RTTN: variants seen among roughly 807,000 people sequenced by gnomAD.
The protein encoded by RTTN is rotatin.
In RTTN, 182 loss-of-function variants were observed where a neutral mutation model predicts 269.2. The observed-to-expected ratio is 0.68, with a 90% CI of 0.60 to 0.76. The LOEUF is 0.76. Among genes scored for constraint, RTTN ranks in the 30% least tolerant of loss-of-function variants. The probability of loss-of-function intolerance (pLI) is 0.00; values close to 1 mark genes in which losing one functional copy is unlikely to be tolerated. For synonymous variants in RTTN, 1,006 were observed against 963.5 expected (o/e 1.04, Z -0.82); for missense variants, 2,545 against 2,608.6 (o/e 0.98, Z 0.53).
At chr18:70,087,204 T>C (rs1444435738) in intron 31 of RTTN, among the ~76,000 whole-genome samples, 2 of 152,190 alleles carry the variant, frequency 1.3e-5, no homozygotes, top group East Asian at 1.9e-4. Context: ...AATTAAATAA[T>C]CATACAAATA....
intron 27 of RTTN, among the ~76,000 whole-genome samples, chr18:70,110,043 C>G (rs191796260): frequency 8.4e-4 from 127 of 151,848 alleles, no homozygotes; most frequent in Non-Finnish European, 1.5e-3. Context: ...GACCTCATTT[C>G]TAAAAAAATG....
intron 39 of RTTN, among the ~76,000 whole-genome samples, chr18:70,048,533 T>C (rs1255079508): frequency 6.6e-6 from 1 of 152,240 alleles, no homozygotes; most frequent in Admixed American, 6.5e-5. Context: ...GAGAACTGAT[T>C]TTGTTTAATC....
chr18:70,163,589 T>C (rs1043587792), intron 14 of RTTN, among the ~76,000 whole-genome samples: 2 of 152,128 alleles, frequency 1.3e-5, no homozygotes, highest in South Asian at 2.1e-4. Context: ...ACAACCCAAA[T>C]GCCTATCAAC....
At chr18:70,056,333 A>G (rs1181108113) in intron 37 of RTTN, among the ~76,000 whole-genome samples, 13 of 152,202 alleles carry the variant, frequency 8.5e-5, no homozygotes, top group Non-Finnish European at 1.9e-4. Context: ...ATAGGTTGGA[A>G]TCTATGTCAG....
chr18:70,013,011 T>C (rs1266260351), intron 46 of RTTN, among the ~76,000 whole-genome samples: 3 of 152,016 alleles, frequency 2.0e-5, no homozygotes, highest in South Asian at 2.1e-4. Context: ...ATCAGGACAA[T>C]GTGAAAGGCA....
rs539668819 is a variant in RTTN at position 70,098,031 on chromosome 18, G to A, written c.3904-5227C>T. ...ACTCTGTAAAAGGTTGATAAATAGA[G>A]TATTTATAAATCACATGACAAAAAA... On this transcript the variant is annotated intron_variant, in intron 28 of 48. Transcript: ENST00000640769. Among the ~76,000 whole-genome samples, 36 of 146,394 alleles carry A rather than the reference G, an allele frequency of 2.5e-4. 1 individual carries two copies. Among genetic ancestry groups the A allele is most frequent in the Admixed American group, 1.9e-3 (26 of 13,792 alleles).
chr18:70,039,740 T>C (rs1962302589), intron 40 of RTTN, among the ~76,000 whole-genome samples: 1 of 152,026 alleles, frequency 6.6e-6, no homozygotes, highest in Admixed American at 6.5e-5. Flanking sequence ...CAATCGAAAA[T>C]AATAACTACA....
chr18:70,100,546 T>C (rs1197761521), intron 28 of RTTN, among the ~76,000 whole-genome samples: 2 of 152,242 alleles, frequency 1.3e-5, no homozygotes, highest in Admixed American at 1.3e-4. Context: ...TGACTTCCTC[T>C]TTTCCTAACT....
intron 40 of RTTN, among the ~76,000 whole-genome samples, chr18:70,036,992 C>T (rs1026271767): frequency 2.0e-5 from 3 of 152,178 alleles, no homozygotes; most frequent in Admixed American, 6.5e-5. Flanking sequence ...GAGAGAGCAG[C>T]GACTGGGGGA....
intron 34 of RTTN, among the ~76,000 whole-genome samples, chr18:70,066,369 C>G (rs1244537206): frequency 6.6e-6 from 1 of 152,158 alleles, no homozygotes; most frequent in Non-Finnish European, 1.5e-5. Flanking sequence ...AGATTTTTCT[C>G]TACCTCACCT....
chr18:70,072,027 T>C (rs1235439012), intron 34 of RTTN, among the ~76,000 whole-genome samples: 1 of 152,190 alleles, frequency 6.6e-6, no homozygotes, highest in Admixed American at 6.5e-5. Flanking sequence ...AAGTATGCCT[T>C]GGTCGAAGTA....
In RTTN at chr18:70,166,108, G is replaced by C. The variant is rs548761347; in HGVS notation, c.1883C>G (p.Pro628Arg). The C allele has an allele frequency of 1.2e-6, 2 of 1,613,578 alleles. No individual in the cohort carries two copies. Among genetic ancestry groups the C allele is most frequent in the Non-Finnish European group, 1.7e-6 (2 of 1,179,666 alleles). ...VLLHMLSHPL[P>R]RVKAETYHCC... is the part of the protein sequence containing the mutation. ...GTGGTAAGTTTCAGCTTTCACTCGT[G>C]GCAATGGGTGAGACAACATATGGAG... Residue 628 changes from proline to arginine, a missense_variant, in exon 14 of 49, where the codon CCA becomes CGA. Coordinates refer to ENST00000640769, the MANE Select transcript of RTTN (RefSeq NM_173630.4).
intron 17 of RTTN, among the ~76,000 whole-genome samples, 179 bp downstream of exon 17, chr18:70,148,722 G>A (rs980187381): frequency 7.9e-5 from 12 of 152,200 alleles, no homozygotes; most frequent in African/African-American, 2.7e-4. Flanking sequence ...TGGATGAAAC[G>A]TCAGCAAGTA....
intron 48 of RTTN, among the ~76,000 whole-genome samples, chr18:70,004,660 T>C (rs1028374781): frequency 6.6e-6 from 1 of 151,778 alleles, no homozygotes; most frequent in East Asian, 1.9e-4. Flanking sequence ...AACCAACAGA[T>C]ATATTACAGT....
chr18:70,110,688 C>T (rs1179665118), intron 27 of RTTN, among the ~76,000 whole-genome samples: 5 of 152,166 alleles, frequency 3.3e-5, no homozygotes, highest in African/African-American at 1.2e-4. Flanking sequence ...CCCAGTGGCG[C>T]CTGGAACAGC....
intron 35 of RTTN, among the ~76,000 whole-genome samples, chr18:70,064,136 G>C (rs751904311): frequency 2.0e-5 from 3 of 151,556 alleles, no homozygotes; most frequent in African/African-American, 7.3e-5. Flanking sequence ...TCAGGGGTTA[G>C]AGACCAGCCT....
Position 70,197,735 on chromosome 18 carries a change from A to G in RTTN, c.582T>C (p.Ser194=), listed in dbSNP as rs2061846786. ...TTAAAGTGTGGTTACTACTTCTTAAAGAGCTACAAAACATAGCGTTAATCA... is the reference window on the plus strand; with the variant it reads ...TTAAAGTGTGGTTACTACTTCTTAAGGAGCTACAAAACATAGCGTTAATCA... ...DRHVLSSNES[S]LRSSNHTLIW... The change falls in exon 6 of 49, where the codon TCT becomes TCC. Residue 194 remains serine (S), a synonymous_variant. Transcript: ENST00000640769. 2 of 1,565,700 alleles carry G rather than the reference A, an allele frequency of 1.3e-6. No individual in the cohort carries two copies. Among genetic ancestry groups the G allele is most frequent in the Non-Finnish European group, 1.8e-6 (2 of 1,135,828 alleles).
At chr18:70,179,936 T>C (rs966879390) in intron 10 of RTTN, among the ~76,000 whole-genome samples, 1 of 152,092 alleles carries the variant, frequency 6.6e-6, no homozygotes, top group African/African-American at 2.4e-5. Context: ...CTCAGCATCA[T>C]GCCAAAAGAC....
intron 7 of RTTN, 121 bp from the exon 8 acceptor site, chr18:70,193,574 A>C (rs2061732481): frequency 1.4e-6 from 1 of 729,714 alleles, no homozygotes; most frequent in Non-Finnish European, 2.0e-6. Context: ...ATCCTTCTAC[A>C]GGGGTAAAAA....
Sources: gnomAD v4.1 joint callset for allele counts (sites outside exome capture counted in the v4.1 genomes callset) on GRCh38, gnomAD v4.1.1 for gene constraint, MANE v1.5 for transcripts, NCBI Gene and HGNC (gene_info 2026-07-23, HGNC 2026-07-21) for gene names.